ZNF624: variants seen among roughly 807,000 people sequenced by gnomAD.
The protein encoded by ZNF624 is zinc finger protein 624.
ZNF624 carries 43 observed loss-of-function variants against 74.7 expected under a neutral mutation model. The observed-to-expected ratio is 0.58, with a 90% confidence interval of 0.45 to 0.74. The LOEUF (loss-of-function observed/expected upper bound fraction) is 0.74, where lower values mean the gene tolerates loss of function less well. Ranked by LOEUF, ZNF624 falls within the 30% of genes least tolerant of loss-of-function variation. The pLI is 0.00. For missense variants in ZNF624, 820 were observed against 1,030.0 expected, an observed-to-expected ratio of 0.80 and a Z score of 2.79; for synonymous variants, 331 against 341.3, an observed-to-expected ratio of 0.97 and a Z score of 0.33.
intron 3 of ZNF624, among the ~76,000 whole-genome samples, chr17:16,645,649 A>C (rs1179456283): frequency 2.0e-5 from 3 of 150,618 alleles, no homozygotes; most frequent in Non-Finnish European, 3.0e-5. Context: ...AAAAAAAAAC[A>C]AAACACTAAT....
intron 1 of ZNF624, among the ~76,000 whole-genome samples, chr17:16,651,769 T>G (rs1909730757): frequency 6.6e-6 from 1 of 152,022 alleles, no homozygotes; most frequent in South Asian, 2.1e-4. Flanking sequence ...GGGTCTCAAA[T>G]CTGAGAATGC....
chr17:16,642,263 T>C (rs1909484900), intron 3 of ZNF624, among the ~76,000 whole-genome samples: 1 of 152,174 alleles, frequency 6.6e-6, no homozygotes, highest in Non-Finnish European at 1.5e-5. Context: ...TCAAAGGTAT[T>C]TCCAAAACTT....
chr17:16,633,993 C>T (rs1407543360), intron 4 of ZNF624, 36 bp from the exon 5 acceptor site: 2 of 1,564,448 alleles, frequency 1.3e-6, no homozygotes, highest in Admixed American at 1.7e-5. Flanking sequence ...TTGATTGGAG[C>T]CATGAGCAAG....
chr17:16,625,320 T>G (rs1353645353), intron 5 of ZNF624, among the ~76,000 whole-genome samples: 1 of 152,138 alleles, frequency 6.6e-6, no homozygotes, highest in Non-Finnish European at 1.5e-5. Context: ...TAGCCGGGAC[T>G]ACAGTCATGT....
At chr17:16,646,275 GT>G (rs1179481311) in intron 3 of ZNF624, among the ~76,000 whole-genome samples, 1 of 152,036 alleles carries the variant, frequency 6.6e-6, no homozygotes. Flanking sequence ...TCTACTCTAA[GT>G]TTTTAAGAAT....
chr17:16,639,900 A>C (rs1909426502), intron 3 of ZNF624, among the ~76,000 whole-genome samples: 1 of 152,204 alleles, frequency 6.6e-6, no homozygotes, highest in Non-Finnish European at 1.5e-5. Flanking sequence ...ATTATAAGAC[A>C]CACAAAGAAA....
At chr17:16,614,850 A>T in the ZNF624 span, among the ~76,000 whole-genome samples, 3 of 152,200 alleles carry the variant, frequency 2.0e-5, no homozygotes, top group African/African-American at 7.2e-5. Context: ...ACAATGACCA[A>T]ATGAAATCTA....
At chr17:16,646,789 C>T (rs1435151520) in intron 3 of ZNF624, among the ~76,000 whole-genome samples, 2 of 152,198 alleles carry the variant, frequency 1.3e-5, no homozygotes, top group Admixed American at 1.3e-4. Context: ...CCCTCCCCTG[C>T]TATGTCAGAT....
At chr17:16,625,397 G>C (rs1391586511) in intron 5 of ZNF624, among the ~76,000 whole-genome samples, 1 of 152,270 alleles carries the variant, frequency 6.6e-6, no homozygotes, top group Admixed American at 6.5e-5. Context: ...GGCCAGGCTG[G>C]TCTTGAACTT....
intron 2 of ZNF624, among the ~76,000 whole-genome samples, chr17:16,647,690 A>G (rs1408373351): frequency 2.0e-5 from 3 of 152,208 alleles, no homozygotes; most frequent in Non-Finnish European, 4.4e-5. Context: ...ACATAATTCT[A>G]CTTTTTCATA....
intron 2 of ZNF624, among the ~76,000 whole-genome samples, chr17:16,648,092 T>C (rs972486962): frequency 6.6e-6 from 1 of 151,800 alleles, no homozygotes; most frequent in Admixed American, 6.6e-5. Context: ...CACACCACCA[T>C]GTCCGGCTAA....
chr17:16,639,433 T>C (rs1909415605), intron 3 of ZNF624, among the ~76,000 whole-genome samples: 1 of 152,146 alleles, frequency 6.6e-6, no homozygotes, highest in East Asian at 1.9e-4. Flanking sequence ...TCACTTGACA[T>C]GTGTCTGTAA....
intron 3 of ZNF624, among the ~76,000 whole-genome samples, chr17:16,646,704 A>G (rs955043298): frequency 2.6e-5 from 4 of 152,244 alleles, no homozygotes; most frequent in African/African-American, 7.2e-5. Flanking sequence ...CAATGTTTCA[A>G]TCTTCTACAA....
chr17:16,650,151 C>T (rs1909687346), intron 1 of ZNF624, among the ~76,000 whole-genome samples: 2 of 151,748 alleles, frequency 1.3e-5, no homozygotes, highest in Non-Finnish European at 2.9e-5. Context: ...GTGTGAAGTA[C>T]GAAAAAAAAT....
chr17:16,620,126 AG>A (rs1908871813), downstream of ZNF624, among the ~76,000 whole-genome samples: 1 of 152,184 alleles, frequency 6.6e-6, no homozygotes, highest in East Asian at 1.9e-4. Flanking sequence ...GCATCGTGAA[AG>A]GGTATTTGAT....
rs1005298679 is a variant in ZNF624, at chr17:16,623,608, C to G, written c.1278G>C (p.Arg426Ser). 6.2e-7 allele frequency: 1 copy of G among 1,611,602 alleles called. No individual in the cohort carries two copies. The highest frequency in any genetic ancestry group is 8.5e-7 in the Non-Finnish European group (1 of 1,179,238). Residue 426 changes from arginine to serine, a missense_variant, in exon 6 of 6, where the codon AGG becomes AGC. Transcript: ENST00000311331. The surrounding 1 kb of genome is among the most constrained non-coding windows in gnomAD (Gnocchi z 5.3). ...GATGTACACTAAGATATGACTTGTT[C>G]CTAAAGGCTTTCCCACAATCATCAC... ...YKCDDCGKAF[R>S]NKSYLSVHQK...
At chr17:16,619,561 A>G (rs770097454), downstream of ZNF624, among the ~76,000 whole-genome samples, 1 of 152,256 alleles carries the variant, frequency 6.6e-6, no homozygotes, top group Non-Finnish European at 1.5e-5. Context: ...ATATTTAAAA[A>G]GCCAACACAT....
chr17:16,646,315 A>T (rs955116727), intron 3 of ZNF624, among the ~76,000 whole-genome samples: 4 of 152,212 alleles, frequency 2.6e-5, no homozygotes, highest in African/African-American at 9.6e-5. Context: ...AAAAGAATTT[A>T]AAAAATCATT....
intron 3 of ZNF624, among the ~76,000 whole-genome samples, chr17:16,644,810 T>C (rs951983507): frequency 6.6e-6 from 1 of 152,246 alleles, no homozygotes; most frequent in African/African-American, 2.4e-5. Flanking sequence ...TTACCCGTTT[T>C]GAGCAACTAC....
Sources: gnomAD v4.1 joint callset for allele counts (sites outside exome capture counted in the v4.1 genomes callset) on GRCh38, gnomAD v4.1.1 for gene constraint, Gnocchi (gnomAD v3.1) non-coding constraint, MANE v1.5 for transcripts, NCBI Gene and HGNC (gene_info 2026-07-23, HGNC 2026-07-21) for gene names.